USP15: variants seen among roughly 807,000 people sequenced by gnomAD.
USP15 encodes the protein ubiquitin specific peptidase 15, also known as ubiquitin carboxyl-terminal hydrolase 15.
USP15 carries 18 observed loss-of-function variants against 127.1 expected under a neutral mutation model. The observed-to-expected ratio is 0.14, with a 90% CI of 0.10 to 0.21. USP15 has a LOEUF of 0.21. USP15 is among the 10% of genes least tolerant of loss of function. USP15 has a pLI of 1.00. For missense variants in USP15, 805 were observed against 1,159.9 expected (o/e 0.69, Z 4.44); for synonymous variants, 364 against 393.7 (o/e 0.92, Z 0.89).
chr12:62,389,918 C>A lies in USP15; in HGVS notation c.1774C>A (p.Pro592Thr). The A allele has an allele frequency of 6.2e-7, 1 of 1,613,764 alleles. No individual in the cohort carries two copies. The highest frequency in any genetic ancestry group is 8.5e-7 in the Non-Finnish European group (1 of 1,179,850). ...HHTGSSLFGQ[P>T]FLMAVPRNNT... ...TACTGGTTCTTCACTTTTTGGTCAG[C>A]CCTTTCTTATGGCTGTACCACGAAA... The change falls in exon 14 of 22, where the codon CCC becomes ACC. Residue 592 changes from proline (P) to threonine (T), a missense_variant. By Grantham distance (38) the Pro-to-Thr change is conservative. Transcript: ENST00000280377.
chr12:62,289,992 T>C (rs1357120545), intron 1 of USP15, among the ~76,000 whole-genome samples: 1 of 151,570 alleles, frequency 6.6e-6, no homozygotes, highest in African/African-American at 2.4e-5. Context: ...ATGATTTCAA[T>C]TTAAAAAAAA....
rs1458805572 is a variant in USP15 at position 62,351,562 on chromosome 12, G to GTT, written c.770+2257_770+2258dup. On this transcript the variant is annotated intron_variant, in intron 7 of 21. Coordinates refer to ENST00000280377, the MANE Select transcript of USP15 (RefSeq NM_001252078.2). Reference sequence around the variant, plus strand: ...CATATTGGTATGAGTGGTCTGGTGTGTTTCTGGTTTTGTTCTGTTTGCATT... The same window carrying GTT: ...CATATTGGTATGAGTGGTCTGGTGTGTTTTTCTGGTTTTGTTCTGTTTGCATT... 4.6e-5 allele frequency among the ~76,000 whole-genome samples: 7 copies of GTT among 152,038 alleles called. No homozygotes were observed. The East Asian group carries it at 1.4e-3, about 29-fold the overall frequency.
rs74793920 is a variant in USP15, at chr12:62,347,834, T to C, written c.684-1387T>C. Among the ~76,000 whole-genome samples, 833 of 152,264 alleles carry C rather than the reference T, an allele frequency of 5.5e-3. 5 individuals are homozygous for C. Among genetic ancestry groups the C allele is most frequent in the Non-Finnish European group, 9.3e-3 (632 of 68,018 alleles). On this transcript the variant is annotated intron_variant, in intron 6 of 21. Coordinates refer to ENST00000280377, the MANE Select transcript of USP15 (RefSeq NM_001252078.2). ...TAACAGAATCCAGTAATATATATCA[T>C]TTATCAGCTAAAACAACCTCGTTGA...
intron 20 of USP15, 66 bp from the exon 21 acceptor site, chr12:62,401,121 G>T: frequency 9.8e-7 from 1 of 1,017,878 alleles, no homozygotes; most frequent in Non-Finnish European, 1.5e-6. Context: ...GATGATTATA[G>T]AGTTTTGAGG....
intron 8 of USP15, among the ~76,000 whole-genome samples, chr12:62,376,955 A>G (rs866979668): frequency 6.6e-6 from 1 of 152,280 alleles, no homozygotes. Flanking sequence ...TAGGAAAATG[A>G]TTTTTTTATA....
At chr12:62,401,919 CAT>C (rs3085019) in intron 21 of USP15, among the ~76,000 whole-genome samples, 83,460 of 145,706 alleles carry the variant, frequency 0.57, 23,844 homozygotes, top group Non-Finnish European at 0.59. Context: ...TGTATATATA[CAT>C]ATATATATAT....
intron 6 of USP15, chr12:62,336,380 A>G: frequency 2.0e-6 from 2 of 985,384 alleles, no homozygotes; most frequent in Non-Finnish European, 2.4e-6. Flanking sequence ...GCCTATTTCA[A>G]GTACCATCCA....
intron 6 of USP15, among the ~76,000 whole-genome samples, chr12:62,341,344 A>T (rs1054884998): frequency 6.6e-6 from 1 of 152,036 alleles, no homozygotes; most frequent in Non-Finnish European, 1.5e-5. Context: ...TTGCCAGTCT[A>T]TGTCTTTTAA....
intron 1 of USP15, among the ~76,000 whole-genome samples, chr12:62,263,517 G>T (rs1042164869): frequency 6.6e-6 from 1 of 152,126 alleles, no homozygotes; most frequent in South Asian, 2.1e-4. Context: ...TTTGTAAGCA[G>T]TGAATGATTT....
intron 1 of USP15, among the ~76,000 whole-genome samples, chr12:62,288,879 G>A (rs1310420936): frequency 1.3e-5 from 2 of 152,092 alleles, no homozygotes; most frequent in Admixed American, 6.6e-5. Context: ...TTGTTTAGGT[G>A]GTGAATTGCA....
At chr12:62,262,624 T>G (rs945075225) in intron 1 of USP15, among the ~76,000 whole-genome samples, 4 of 152,210 alleles carry the variant, frequency 2.6e-5, no homozygotes, top group African/African-American at 9.7e-5. Flanking sequence ...ATATTTTTGC[T>G]TTTTTACAAA....
At chr12:62,264,729 A>G (rs2063154422) in intron 1 of USP15, among the ~76,000 whole-genome samples, 2 of 152,260 alleles carry the variant, frequency 1.3e-5, no homozygotes, top group Non-Finnish European at 2.9e-5. Flanking sequence ...TTTGAAACTA[A>G]AAGAAAATAA....
intron 11 of USP15, among the ~76,000 whole-genome samples, chr12:62,388,701 A>G (rs1031020516): frequency 1.3e-5 from 2 of 152,232 alleles, no homozygotes; most frequent in Non-Finnish European, 2.9e-5. Context: ...GGGCTAGAAG[A>G]CAGTAGGGAG....
At chr12:62,315,004 C>T in intron 4 of USP15, 88 bp downstream of exon 4, 2 of 1,247,030 alleles carry the variant, frequency 1.6e-6, no homozygotes, top group African/African-American at 1.5e-5. Flanking sequence ...GGATGATAAC[C>T]ATTTTAAGGA....
intron 8 of USP15, among the ~76,000 whole-genome samples, chr12:62,375,796 A>G (rs2066810076): frequency 6.6e-6 from 1 of 152,184 alleles, no homozygotes; most frequent in Non-Finnish European, 1.5e-5. Context: ...TAAAATATAT[A>G]TGAAGGCACA....
chr12:62,348,094 A>G (rs549278061), intron 6 of USP15, among the ~76,000 whole-genome samples: 2 of 152,240 alleles, frequency 1.3e-5, no homozygotes, highest in African/African-American at 4.8e-5. Context: ...CTATAGTTTC[A>G]GTTTCTCAGT....
chr12:62,352,831 CAA>C (rs10541315), intron 7 of USP15, among the ~76,000 whole-genome samples: 50,624 of 151,506 alleles, frequency 0.33, 9,057 homozygotes, highest in African/African-American at 0.47. Flanking sequence ...TTCAATTTCA[CAA>C]AAAAAAAGTG....
intron 17 of USP15, 136 bp from the exon 18 acceptor site, chr12:62,392,136 A>G: frequency 1.4e-6 from 1 of 720,624 alleles, no homozygotes; most frequent in East Asian, 2.8e-5. Flanking sequence ...AGAAGTATAT[A>G]AATCTCAACT....
intron 1 of USP15, among the ~76,000 whole-genome samples, chr12:62,260,838 G>A (rs1482818195): frequency 6.6e-6 from 1 of 152,090 alleles, no homozygotes; most frequent in Non-Finnish European, 1.5e-5. Context: ...GGTTTGGTTT[G>A]AGTCTTATAT....
Sources: gnomAD v4.1 joint callset for allele counts (sites outside exome capture counted in the v4.1 genomes callset) on GRCh38, gnomAD v4.1.1 for gene constraint, MANE v1.5 for transcripts, NCBI Gene and HGNC (gene_info 2026-07-23, HGNC 2026-07-21) for gene names.